MYO16: variants seen among roughly 807,000 people sequenced by gnomAD.
MYO16 encodes the protein myosin XVI.
A neutral mutation model predicts 205.3 loss-of-function variants in MYO16; 94 were observed. The ratio of observed to expected loss-of-function variants is 0.46; its 90% CI spans 0.39 to 0.54. MYO16 has a LOEUF of 0.54. MYO16 is among the 20% of genes least tolerant of loss of function. The pLI is 0.00. For synonymous variants in MYO16, 988 were observed against 954.0 expected (o/e 1.04, Z -0.66); for missense variants, 2,315 against 2,387.5 (o/e 0.97, Z 0.63).
chr13:109,097,599 C>T (rs1280773474), intron 27 of MYO16, among the ~76,000 whole-genome samples: 2 of 152,202 alleles, frequency 1.3e-5, no homozygotes, highest in African/African-American at 2.4e-5. Flanking sequence ...TTCTTGTCAC[C>T]TATCAAAAGC....
rs1335464605 is a variant in MYO16, at chr13:109,206,601, TCCCA to T, written c.5416-6_5416-3del. On this transcript the variant is annotated splice_region_variant and splice_polypyrimidine_tract_variant and intron_variant, in intron 34 of 34. Transcript: ENST00000457511. ...TACCTGTTTTTTCTGCCCCTCTTCC[TCCCA>T]CAGGTAATCCATCAGCTGAGGCTCT... The T allele has an allele frequency of 6.2e-7, 1 of 1,605,884 alleles. No individual in the cohort carries two copies. Among genetic ancestry groups the T allele is most frequent in the East Asian group, 2.2e-5 (1 of 44,708 alleles).
intron 11 of MYO16, among the ~76,000 whole-genome samples, chr13:108,865,005 G>A (rs1878635633): frequency 6.6e-6 from 1 of 151,978 alleles, no homozygotes; most frequent in African/African-American, 2.4e-5. Context: ...TTTAAAAAAA[G>A]GGAAAGCATT....
intron 16 of MYO16, among the ~76,000 whole-genome samples, chr13:108,945,229 A>G (rs545277731): frequency 4.6e-5 from 7 of 152,302 alleles, no homozygotes; most frequent in Non-Finnish European, 1.0e-4. Flanking sequence ...TAGTTTCAGA[A>G]TTTTTCACTT....
At chr13:108,760,667 C>A (rs547893580) in intron 4 of MYO16, among the ~76,000 whole-genome samples, 2 of 152,170 alleles carry the variant, frequency 1.3e-5, no homozygotes, top group Admixed American at 6.5e-5. Context: ...GCCATATGTT[C>A]TCACTCATAT....
At chr13:108,968,179 CCT>C (rs1883869194) in intron 20 of MYO16, among the ~76,000 whole-genome samples, 1 of 152,212 alleles carries the variant, frequency 6.6e-6, no homozygotes, top group African/African-American at 2.4e-5. Flanking sequence ...CGTGTCTTCA[CCT>C]CTCGTATGCT....
intron 16 of MYO16, among the ~76,000 whole-genome samples, chr13:108,930,562 AC>A (rs1208212493): frequency 1.3e-5 from 2 of 152,216 alleles, no homozygotes; most frequent in African/African-American, 4.8e-5. Flanking sequence ...AGGATGATAA[AC>A]GTCACTTCCC....
chr13:108,869,731 T>TAAAAAAAAAAAAAA (rs68025820), intron 12 of MYO16, among the ~76,000 whole-genome samples: 6 of 67,026 alleles, frequency 9.0e-5, no homozygotes, highest in Non-Finnish European at 1.4e-4. Flanking sequence ...ACTCCGTTTC[T>TAAAAAAAAAAAAAA]AAAAAAAAAA....
intron 27 of MYO16, among the ~76,000 whole-genome samples, chr13:109,084,009 T>C (rs1888361409): frequency 6.6e-6 from 1 of 152,240 alleles, no homozygotes; most frequent in African/African-American, 2.4e-5. Flanking sequence ...ATCCATTTTG[T>C]CATTTTTACT....
the MYO16 span, among the ~76,000 whole-genome samples, chr13:108,496,243 C>T: frequency 6.6e-6 from 1 of 152,200 alleles, no homozygotes; most frequent in Non-Finnish European, 1.5e-5. Context: ...TCTGGACCTA[C>T]CCCAGAAGGA....
intron 6 of MYO16, among the ~76,000 whole-genome samples, chr13:108,798,424 C>A (rs1435781322): frequency 6.6e-6 from 1 of 152,030 alleles, no homozygotes; most frequent in Non-Finnish European, 1.5e-5. Context: ...AGAATTGCAA[C>A]AAAATAACTA....
intron 2 of MYO16, among the ~76,000 whole-genome samples, chr13:108,703,385 A>AAT (rs1883383216): frequency 6.6e-6 from 1 of 152,202 alleles, no homozygotes; most frequent in South Asian, 2.1e-4. Flanking sequence ...ACAAATTGTA[A>AAT]ATATATATGT....
intron 23 of MYO16, among the ~76,000 whole-genome samples, chr13:109,042,813 C>G (rs1484739992): frequency 1.3e-5 from 2 of 152,184 alleles, no homozygotes; most frequent in African/African-American, 4.8e-5. Flanking sequence ...TTAAGCTCAC[C>G]TGCTTCACAA....
At chr13:108,785,555 A>T (rs1886431173) in intron 4 of MYO16, 80 bp from the exon 5 acceptor site, 1 of 754,834 alleles carries the variant, frequency 1.3e-6, no homozygotes, top group Non-Finnish European at 2.0e-6. Context: ...CTGTTTCCCA[A>T]CTAAGATTGA....
At chr13:108,983,269 T>C (rs970940016) in intron 20 of MYO16, among the ~76,000 whole-genome samples, 1 of 152,194 alleles carries the variant, frequency 6.6e-6, no homozygotes, top group Non-Finnish European at 1.5e-5. Context: ...TCCTTCTCTC[T>C]TACCAATGCA....
chr13:108,884,833 C>T (rs187412453), intron 13 of MYO16, among the ~76,000 whole-genome samples: 2 of 151,162 alleles, frequency 1.3e-5, no homozygotes, highest in Non-Finnish European at 2.9e-5. Context: ...CAGGGGCTCT[C>T]ACCCATTCTA....
chr13:108,852,295 A>G (rs1566369572), intron 10 of MYO16, among the ~76,000 whole-genome samples: 2 of 152,198 alleles, frequency 1.3e-5, no homozygotes, highest in Non-Finnish European at 2.9e-5. Flanking sequence ...CTCTAGCACA[A>G]TGGCCAACAA....
chr13:108,564,636 C>CA, the MYO16 span, among the ~76,000 whole-genome samples: 2 of 152,128 alleles, frequency 1.3e-5, no homozygotes, highest in African/African-American at 2.4e-5. Context: ...CCTTGCTGTG[C>CA]AAAAGGCTTT....
intron 1 of MYO16, among the ~76,000 whole-genome samples, chr13:108,619,754 C>G (rs911392013): frequency 6.6e-6 from 1 of 152,132 alleles, no homozygotes; most frequent in African/African-American, 2.4e-5. Context: ...TCCACCTTCT[C>G]CTCTCCAGAT....
Position 108,659,304 on chromosome 13 carries a change from TACATATATAATAC to T in MYO16, c.29-6572_29-6560del, listed in dbSNP as rs1881391758. On this transcript the variant is annotated intron_variant, in intron 1 of 34. Coordinates refer to ENST00000457511, the MANE Select transcript of MYO16 (RefSeq NM_001198950.3). Reference sequence around the variant, plus strand: ...TAGTATACATATATATCATATTATATACATATATAATACACATATATACACACACATACACAAA... The same window carrying T: ...TAGTATACATATATATCATATTATATACATATATACACACACATACACAAA... The T allele has an allele frequency of 3.3e-5, 8 of 243,774 alleles. No homozygotes were observed. In the South Asian group the frequency reaches 4.2e-4, roughly 13 times the overall value. 15.1% of individuals were successfully genotyped at this position (243,774 alleles called of 1,614,324 possible).
Sources: allele counts gnomAD v4.1 joint callset (sites outside exome capture counted in the v4.1 genomes callset), GRCh38; gene constraint gnomAD v4.1.1; transcripts MANE v1.5; gene names NCBI Gene and HGNC (gene_info 2026-07-23, HGNC 2026-07-21).